Variants in LRRC4C observed in about 807,000 individuals in gnomAD.
LRRC4C encodes leucine rich repeat containing 4C, also known as leucine-rich repeat-containing protein 4C.
A neutral mutation model predicts 33.6 loss-of-function variants in LRRC4C; 5 were observed. The ratio of observed to expected loss-of-function variants is 0.15; its 90% CI spans 0.08 to 0.31. The LOEUF (loss-of-function observed/expected upper bound fraction) is 0.31, where lower values mean the gene tolerates loss of function less well. Among genes scored for constraint, LRRC4C ranks in the 10% least tolerant of loss-of-function variants. The pLI, the probability that LRRC4C is intolerant of heterozygous loss-of-function variation, is 1.00. For missense variants in LRRC4C, 560 were observed against 796.7 expected (o/e 0.70, Z 3.58); for synonymous variants, 329 against 302.0 (o/e 1.09, Z -0.93).
chr11:40,942,411 A>C (rs1422034241), intron 1 of LRRC4C, among the ~76,000 whole-genome samples: 1 of 152,186 alleles, frequency 6.6e-6, no homozygotes, highest in Non-Finnish European at 1.5e-5. Flanking sequence ...AAAGTGCTGC[A>C]GTTTTCAATT....
Position 40,221,934 on chromosome 11 carries a change from C to A in LRRC4C, c.-96+19585G>T, listed in dbSNP as rs533345452. On this transcript the variant is annotated intron_variant, in intron 5 of 6. Coordinates refer to ENST00000528697, the MANE Select transcript of LRRC4C (RefSeq NM_001258419.2). ...TTGGCTCTTGAGACAGGAGTCTCGTCGATGCCCTCGGCTGAATAAATTCCT... is the reference window on the plus strand; with the variant it reads ...TTGGCTCTTGAGACAGGAGTCTCGTAGATGCCCTCGGCTGAATAAATTCCT... Among the ~76,000 whole-genome samples the A allele has an allele frequency of 3.9e-5, 6 of 152,236 alleles. No homozygotes were observed. The East Asian group carries it at 1.2e-3, about 29-fold the overall frequency.
chr11:40,839,876 C>T (rs1482393941), intron 2 of LRRC4C, among the ~76,000 whole-genome samples: 1 of 152,088 alleles, frequency 6.6e-6, no homozygotes, highest in Non-Finnish European at 1.5e-5. Context: ...AATCCAGAAT[C>T]ACAACATTTG....
intron 3 of LRRC4C, among the ~76,000 whole-genome samples, chr11:40,605,815 G>C (rs1591255548): frequency 6.6e-6 from 1 of 152,260 alleles, no homozygotes. Context: ...GCCCAGCATG[G>C]AAAGAATGAG....
intron 1 of LRRC4C, among the ~76,000 whole-genome samples, chr11:40,974,096 T>C (rs537765391): frequency 7.2e-5 from 11 of 152,324 alleles, no homozygotes; most frequent in Non-Finnish European, 8.8e-5. Context: ...CTTATGAACA[T>C]TATAATGTTC....
chr11:41,434,966 A>T (rs1265592883), intron 1 of LRRC4C, among the ~76,000 whole-genome samples: 2 of 152,134 alleles, frequency 1.3e-5, no homozygotes, highest in African/African-American at 4.8e-5. Flanking sequence ...ACAGTTAAGG[A>T]TGTAGTTATC....
At chr11:41,027,171 C>T (rs1856434136) in intron 1 of LRRC4C, among the ~76,000 whole-genome samples, 1 of 151,508 alleles carries the variant, frequency 6.6e-6, no homozygotes, top group African/African-American at 2.4e-5. Flanking sequence ...CATAACAATA[C>T]AATTACTATA....
At chr11:41,251,406 G>A (rs1246534239) in intron 1 of LRRC4C, among the ~76,000 whole-genome samples, 4 of 152,126 alleles carry the variant, frequency 2.6e-5, no homozygotes, top group Non-Finnish European at 5.9e-5. Flanking sequence ...ACCATTCTGC[G>A]TCTTCCTACT....
intron 1 of LRRC4C, among the ~76,000 whole-genome samples, chr11:41,057,027 G>A (rs539767516): frequency 6.6e-6 from 1 of 152,292 alleles, no homozygotes; most frequent in Non-Finnish European, 1.5e-5. Context: ...TTTGTTCCAA[G>A]AGCAGGCAGG....
intron 1 of LRRC4C, among the ~76,000 whole-genome samples, chr11:40,994,749 G>A (rs1853838830): frequency 1.3e-5 from 2 of 152,088 alleles, no homozygotes; most frequent in South Asian, 4.2e-4. Flanking sequence ...ACTTGGATGG[G>A]CTCTTTCCTT....
chr11:40,133,664 T>C (rs952784432), intron 6 of LRRC4C, among the ~76,000 whole-genome samples: 1 of 152,168 alleles, frequency 6.6e-6, no homozygotes, highest in Non-Finnish European at 1.5e-5. Context: ...ACAATAGTCA[T>C]AAACCATTGC....
intron 5 of LRRC4C, among the ~76,000 whole-genome samples, chr11:40,141,730 A>G (rs144105294): frequency 1.3e-5 from 2 of 152,324 alleles, no homozygotes; most frequent in East Asian, 3.9e-4. Context: ...AGGGACAAGG[A>G]GGAGTGAAGC....
chr11:41,017,960 G>A (rs7126363), intron 1 of LRRC4C, among the ~76,000 whole-genome samples: 101,849 of 151,586 alleles, frequency 0.67, 34,848 homozygotes, highest in South Asian at 0.77. Context: ...TTTTTAATGC[G>A]TCCTTAGTAT....
At chr11:40,766,656 A>G (rs1949484768) in intron 2 of LRRC4C, among the ~76,000 whole-genome samples, 3 of 152,250 alleles carry the variant, frequency 2.0e-5, no homozygotes, top group South Asian at 4.1e-4. Context: ...TCTCTTTGAC[A>G]CATGTATTAT....
intron 3 of LRRC4C, among the ~76,000 whole-genome samples, chr11:40,588,702 A>G (rs987312674): frequency 6.6e-6 from 1 of 152,098 alleles, no homozygotes; most frequent in African/African-American, 2.4e-5. Flanking sequence ...GTTTCAAAGA[A>G]CATCTTTATT....
intron 1 of LRRC4C, among the ~76,000 whole-genome samples, chr11:41,226,731 T>C (rs1947552232): frequency 8.6e-6 from 1 of 116,894 alleles, no homozygotes; most frequent in African/African-American, 3.7e-5. Context: ...CATGCTAAAA[T>C]CCTTACCATT....
At chr11:40,369,391 C>G (rs979115833) in intron 3 of LRRC4C, among the ~76,000 whole-genome samples, 7 of 152,186 alleles carry the variant, frequency 4.6e-5, no homozygotes, top group Non-Finnish European at 1.5e-5. Flanking sequence ...GTTGCCCAGG[C>G]TGGAGTGCAA....
chr11:40,228,195 C>A (rs1864949104), intron 5 of LRRC4C, among the ~76,000 whole-genome samples: 1 of 152,144 alleles, frequency 6.6e-6, no homozygotes, highest in Admixed American at 6.5e-5. Context: ...CAGAGAGTTA[C>A]AGTTACGTAA....
intron 3 of LRRC4C, among the ~76,000 whole-genome samples, chr11:40,523,782 A>G (rs1955924253): frequency 6.6e-6 from 1 of 152,058 alleles, no homozygotes; most frequent in African/African-American, 2.4e-5. Flanking sequence ...CTGACTAATG[A>G]GACAGTGAGG....
At chr11:40,771,822 C>T (rs78135934) in intron 2 of LRRC4C, among the ~76,000 whole-genome samples, 16,295 of 152,170 alleles carry the variant, frequency 0.11, 1,272 homozygotes, top group East Asian at 0.4. Flanking sequence ...TTGTTCATAA[C>T]ACTGTCAGCA....
Sources: gnomAD v4.1 joint callset for allele counts (sites outside exome capture counted in the v4.1 genomes callset) on GRCh38, gnomAD v4.1.1 for gene constraint, MANE v1.5 for transcripts, NCBI Gene and HGNC (gene_info 2026-07-23, HGNC 2026-07-21) for gene names.